Variants in ZNF804B observed in about 807,000 individuals in gnomAD.
ZNF804B encodes zinc finger 804B.
ZNF804B carries 80 observed loss-of-function variants against 101.4 expected under a neutral mutation model. The observed-to-expected ratio is 0.79, with a 90% confidence interval of 0.66 to 0.95. ZNF804B has a LOEUF of 0.95. Among genes scored for constraint, ZNF804B ranks in the 40% least tolerant of loss-of-function variants. The probability of loss-of-function intolerance (pLI) is 0.00; values close to 1 mark genes in which losing one functional copy is unlikely to be tolerated. For missense variants in ZNF804B, 1,673 were observed against 1,561.9 expected (o/e 1.07, Z -1.20); for synonymous variants, 622 against 558.8 (o/e 1.11, Z -1.59).
At chr7:88,904,531 T>G (rs1008047953) in intron 1 of ZNF804B, among the ~76,000 whole-genome samples, 1 of 152,180 alleles carries the variant, frequency 6.6e-6, no homozygotes, top group Non-Finnish European at 1.5e-5. Flanking sequence ...AATCTGTAAA[T>G]TGCTTTGGGT....
At chr7:89,097,261 T>A (rs1247834203) in intron 1 of ZNF804B, among the ~76,000 whole-genome samples, 1 of 152,230 alleles carries the variant, frequency 6.6e-6, no homozygotes, top group Non-Finnish European at 1.5e-5. Flanking sequence ...GCTGGCTCAT[T>A]TCACAGGAAG....
chr7:89,285,847 C>T (rs1465864892), intron 2 of ZNF804B, among the ~76,000 whole-genome samples: 1 of 152,140 alleles, frequency 6.6e-6, no homozygotes, highest in African/African-American at 2.4e-5. Context: ...TTTTGTTTTA[C>T]AAGAAAACCT....
chr7:88,976,085 T>G (rs1364473540), intron 1 of ZNF804B, among the ~76,000 whole-genome samples: 2 of 151,692 alleles, frequency 1.3e-5, no homozygotes, highest in African/African-American at 2.4e-5. Flanking sequence ...ACTGTGGATG[T>G]ATAGGTTTAT....
Position 88,854,533 on chromosome 7 carries a change from T to TTCCTTC in ZNF804B, c.108+94449_108+94450insTCCTTC, listed in dbSNP as rs796987599. On this transcript the variant is annotated intron_variant, in intron 1 of 3. Coordinates refer to ENST00000333190, the MANE Select transcript of ZNF804B (RefSeq NM_181646.5). ...TTTCCTTTCCTTTCCTTCCTTTCCT[T>TTCCTTC]CCTTCCTTCCTTCCTTCCTTCCTTC... Among the ~76,000 whole-genome samples the TTCCTTC allele has an allele frequency of 6.1e-3, 478 of 78,094 alleles. 13 individuals are homozygous for TTCCTTC. The highest frequency in any genetic ancestry group is 0.028 in the South Asian group (48 of 1,708). 51.2% of individuals were successfully genotyped at this position (78,094 alleles called of 152,430 possible).
chr7:89,140,353 C>T (rs973761427), intron 1 of ZNF804B, among the ~76,000 whole-genome samples: 2 of 151,990 alleles, frequency 1.3e-5, no homozygotes, highest in Admixed American at 1.3e-4. Flanking sequence ...TAGCCTATAA[C>T]AAGAGAGGCG....
chr7:89,276,036 GA>G (rs1789975232), intron 2 of ZNF804B, among the ~76,000 whole-genome samples: 1 of 151,856 alleles, frequency 6.6e-6, no homozygotes, highest in Admixed American at 6.6e-5. Context: ...AATGGATCTG[GA>G]AGCCATTATC....
intron 2 of ZNF804B, among the ~76,000 whole-genome samples, chr7:89,289,196 T>G (rs992222241): frequency 2.4e-4 from 36 of 152,096 alleles, no homozygotes; most frequent in African/African-American, 8.4e-4. Context: ...AGAAGAAATT[T>G]TAAATATTAG....
At chr7:89,270,839 G>C (rs187712811) in intron 2 of ZNF804B, among the ~76,000 whole-genome samples, 1 of 152,250 alleles carries the variant, frequency 6.6e-6, no homozygotes. Context: ...TTGTGAATGG[G>C]AGTTCACTCA....
At chr7:88,801,486 C>T (rs147296990) in intron 1 of ZNF804B, among the ~76,000 whole-genome samples, 5 of 151,994 alleles carry the variant, frequency 3.3e-5, no homozygotes, top group African/African-American at 1.2e-4. Context: ...CTAGAGGCAC[C>T]CAGAGCCCTT....
chr7:89,272,680 C>T (rs1789916310), intron 2 of ZNF804B, among the ~76,000 whole-genome samples: 1 of 152,086 alleles, frequency 6.6e-6, no homozygotes, highest in Non-Finnish European at 1.5e-5. Flanking sequence ...ATTTGTAGCA[C>T]AGCAAGTCTC....
At chr7:89,220,612 G>C (rs28590690) in intron 2 of ZNF804B, among the ~76,000 whole-genome samples, 43,902 of 151,544 alleles carry the variant, frequency 0.29, 6,567 homozygotes, top group South Asian at 0.34. Context: ...TTATCTAAAA[G>C]TATTTCAAGA....
chr7:89,161,211 C>T (rs1016936439), intron 1 of ZNF804B, among the ~76,000 whole-genome samples: 4 of 152,000 alleles, frequency 2.6e-5, no homozygotes, highest in African/African-American at 9.7e-5. Context: ...TGATTAGTAG[C>T]ACATTATGAT....
chr7:88,795,404 G>C (rs1180038857), intron 1 of ZNF804B, among the ~76,000 whole-genome samples: 2 of 151,908 alleles, frequency 1.3e-5, no homozygotes, highest in Admixed American at 1.3e-4. Flanking sequence ...GTAACCTTTA[G>C]TCATGTCACT....
intron 1 of ZNF804B, among the ~76,000 whole-genome samples, chr7:89,015,452 C>A (rs2116202322): frequency 6.6e-6 from 1 of 152,000 alleles, no homozygotes; most frequent in South Asian, 2.1e-4. Context: ...CGTCATTTAG[C>A]ATTAGGTATA....
chr7:89,334,561 A>T lies in ZNF804B; in HGVS notation c.1579A>T (p.Ile527Phe). Residue 527 changes from isoleucine to phenylalanine, a missense_variant, in exon 4 of 4, where the codon ATC (isoleucine) becomes TTC (phenylalanine). By Grantham distance (21) the Ile-to-Phe change is conservative (BLOSUM62 0). Transcript: ENST00000333190. ...TTTAACTGAAGACCAACAAAAATTG[A>T]TCCAAGAAGATTATCAATATCCGAA... ...SGLTEDQQKLIQEDYQYPKPK... is the reference protein window; with the variant it reads ...SGLTEDQQKLFQEDYQYPKPK... 2 of 1,613,680 alleles carry T rather than the reference A, an allele frequency of 1.2e-6. No homozygotes were observed. Among genetic ancestry groups the T allele is most frequent in the South Asian group, 1.1e-5 (1 of 91,068 alleles).
At chr7:88,807,373 T>C (rs969550370) in intron 1 of ZNF804B, among the ~76,000 whole-genome samples, 1 of 152,224 alleles carries the variant, frequency 6.6e-6, no homozygotes, top group Non-Finnish European at 1.5e-5. Flanking sequence ...GAATTTTGTA[T>C]GGGTAGGGTG....
At chr7:88,926,945 G>GGGA (rs1554346843) in intron 1 of ZNF804B, among the ~76,000 whole-genome samples, 3 of 149,896 alleles carry the variant, frequency 2.0e-5, no homozygotes, top group African/African-American at 7.4e-5. Context: ...GTGGGGAGCG[G>GGGA]GGGGAAAGCT....
chr7:89,174,422 A>G (rs887034715), intron 1 of ZNF804B, among the ~76,000 whole-genome samples: 1 of 152,000 alleles, frequency 6.6e-6, no homozygotes, highest in Non-Finnish European at 1.5e-5. Context: ...AAATGACAGG[A>G]TGTCATCCCT....
At chr7:89,189,308 G>A (rs1584041281) in intron 1 of ZNF804B, among the ~76,000 whole-genome samples, 1 of 152,260 alleles carries the variant, frequency 6.6e-6, no homozygotes, top group Non-Finnish European at 1.5e-5. Context: ...CATTGACAAT[G>A]TACCTATTCA....
Sources: gnomAD v4.1 joint callset for allele counts (sites outside exome capture counted in the v4.1 genomes callset) on GRCh38, gnomAD v4.1.1 for gene constraint, MANE v1.5 for transcripts, NCBI Gene and HGNC (gene_info 2026-07-23, HGNC 2026-07-21) for gene names.